Variants in EFCAB6 observed in about 807,000 individuals in gnomAD.
EFCAB6 encodes the protein EF-hand calcium-binding domain-containing protein 6.
A neutral mutation model predicts 169.8 loss-of-function variants in EFCAB6; 156 were observed. The ratio of observed to expected loss-of-function variants is 0.92; its 90% CI spans 0.81 to 1.05. EFCAB6 has a LOEUF of 1.05. Ranked by LOEUF, EFCAB6 falls within the 50% of genes least tolerant of loss-of-function variation. EFCAB6 has a pLI of 0.00. For missense variants in EFCAB6, 1,800 were observed against 1,829.1 expected, an observed-to-expected ratio of 0.98 and a Z score of 0.29; for synonymous variants, 698 against 676.4, an observed-to-expected ratio of 1.03 and a Z score of -0.50.
At chr22:43,616,802 C>T (rs1005197344) in intron 20 of EFCAB6, among the ~76,000 whole-genome samples, 2 of 152,184 alleles carry the variant, frequency 1.3e-5, no homozygotes, top group Admixed American at 1.3e-4. Context: ...GCTGGGATGC[C>T]CTAGATCTTT....
intron 17 of EFCAB6, among the ~76,000 whole-genome samples, chr22:43,644,455 C>G (rs549104523): frequency 1.2e-4 from 18 of 152,298 alleles, no homozygotes; most frequent in African/African-American, 4.3e-4. Context: ...TTAAATCACT[C>G]CCACAAATCC....
chr22:43,604,081 G>A (rs1336170523), intron 22 of EFCAB6, among the ~76,000 whole-genome samples: 2 of 151,996 alleles, frequency 1.3e-5, no homozygotes, highest in African/African-American at 4.8e-5. Flanking sequence ...CTTCCACCAT[G>A]ATTGTAAGTT....
intron 27 of EFCAB6, chr22:43,540,663 C>G (rs2047662028): frequency 1.1e-6 from 1 of 911,248 alleles, no homozygotes; most frequent in South Asian, 1.7e-5. Context: ...AGTGCCTGAG[C>G]TGCAGTGTAT....
intron 9 of EFCAB6, among the ~76,000 whole-genome samples, chr22:43,715,367 C>T (rs140825823): frequency 1.1e-4 from 17 of 152,258 alleles, no homozygotes; most frequent in East Asian, 5.8e-4. Flanking sequence ...CTCAGCTGGA[C>T]GATCACAGTG....
At chr22:43,540,461 G>A in intron 27 of EFCAB6, 104 bp from the exon 28 acceptor site, 1 of 1,582,154 alleles carries the variant, frequency 6.3e-7, no homozygotes, top group Non-Finnish European at 8.6e-7. Flanking sequence ...CAGGAGGTGA[G>A]CACTCACGTG....
At chr22:43,586,844 T>C (rs2051108625) in intron 24 of EFCAB6, among the ~76,000 whole-genome samples, 1 of 152,126 alleles carries the variant, frequency 6.6e-6, no homozygotes, top group African/African-American at 2.4e-5. Context: ...CCAACAATCT[T>C]GAGTTTTAAT....
At chr22:43,775,740 G>A (rs927530628) in intron 3 of EFCAB6, among the ~76,000 whole-genome samples, 1 of 152,290 alleles carries the variant, frequency 6.6e-6, no homozygotes, top group African/African-American at 2.4e-5. Flanking sequence ...CACCGCACCC[G>A]GCCATGCCTG....
At chr22:43,565,408 T>A (rs1234066548) in intron 26 of EFCAB6, among the ~76,000 whole-genome samples, 1 of 152,218 alleles carries the variant, frequency 6.6e-6, no homozygotes, top group Admixed American at 6.5e-5. Flanking sequence ...TCTGGGTTTC[T>A]ATTGAGTAAG....
intron 22 of EFCAB6, among the ~76,000 whole-genome samples, chr22:43,606,147 G>T (rs902924480): frequency 2.6e-5 from 4 of 152,160 alleles, no homozygotes; most frequent in African/African-American, 9.7e-5. Context: ...TCTCTCTCTA[G>T]CAAACCAGAT....
intron 2 of EFCAB6, among the ~76,000 whole-genome samples, chr22:43,800,350 T>C (rs925265005): frequency 7.2e-5 from 11 of 152,066 alleles, no homozygotes; most frequent in Non-Finnish European, 2.9e-5. Context: ...TAAGAAAATA[T>C]ACCCAAAGAA....
Position 43,635,135 on chromosome 22 carries a change from T to A in EFCAB6, c.2065A>T (p.Met689Leu). 1 of 1,614,114 alleles carries A rather than the reference T, an allele frequency of 6.2e-7. No homozygotes were observed. The change falls in exon 18 of 32, where the codon ATG (methionine) becomes TTG (leucine). Residue 689 changes from methionine to leucine, a missense_variant. Physicochemically the swap from Met to Leu is conservative, Grantham distance 15. Transcript: ENST00000262726. ...CCTGCTGCAAAATCAAGATAGCTCATCCCTTCCTTCTCGAAGCCTATTTTA... is the reference window on the plus strand; with the variant it reads ...CCTGCTGCAAAATCAAGATAGCTCAACCCTTCCTTCTCGAAGCCTATTTTA... ...TTKIGFEKEG[M>L]SYLDFAAGFE...
At chr22:43,627,114 G>T (rs1398632743) in intron 19 of EFCAB6, among the ~76,000 whole-genome samples, 1 of 152,164 alleles carries the variant, frequency 6.6e-6, no homozygotes, top group African/African-American at 2.4e-5. Flanking sequence ...CTCACACCAA[G>T]GAGCCACCTG....
At position 43,744,308 on chromosome 22, in the gene EFCAB6, C is replaced by G. The variant is rs1299072496; in HGVS notation, c.508-8315G>C. ...TGGGGAGATTGCAAGCCAAGACAAT[C>G]CTTGTAGAGACAGGACAGGAACCTG... On this transcript the variant is annotated intron_variant, in intron 6 of 31. Coordinates refer to ENST00000262726, the MANE Select transcript of EFCAB6 (RefSeq NM_022785.4). The surrounding 1 kb of genome is among the most constrained non-coding windows in gnomAD (Gnocchi z 4.3). 6.6e-6 allele frequency among the ~76,000 whole-genome samples: 1 copy of G among 152,038 alleles called. No homozygotes were observed. The highest frequency in any genetic ancestry group is 2.4e-5 in the African/African-American group (1 of 41,402).
chr22:43,585,525 G>T (rs1412912232), intron 24 of EFCAB6, among the ~76,000 whole-genome samples: 1 of 152,090 alleles, frequency 6.6e-6, no homozygotes, highest in African/African-American at 2.4e-5. Flanking sequence ...ACCAGAAAGA[G>T]AAAGAGAAAT....
intron 8 of EFCAB6, among the ~76,000 whole-genome samples, chr22:43,717,275 T>C (rs1032272045): frequency 6.6e-6 from 1 of 151,848 alleles, no homozygotes; most frequent in African/African-American, 2.4e-5. Context: ...TACTACATAA[T>C]CTTTGTGTGA....
intron 6 of EFCAB6, among the ~76,000 whole-genome samples, chr22:43,742,820 G>A (rs918390136): frequency 6.6e-6 from 1 of 152,226 alleles, no homozygotes; most frequent in African/African-American, 2.4e-5. Flanking sequence ...GCAGAGCCTG[G>A]GAGCAGGATA....
intron 2 of EFCAB6, chr22:43,802,668 G>A (rs2062768078): frequency 4.0e-6 from 2 of 502,552 alleles, no homozygotes; most frequent in Admixed American, 2.1e-5. Context: ...GTACACAAAG[G>A]GAAAAAGGGA....
At chr22:43,698,873 T>C (rs967474675) in intron 10 of EFCAB6, among the ~76,000 whole-genome samples, 7 of 152,224 alleles carry the variant, frequency 4.6e-5, no homozygotes, top group Admixed American at 3.9e-4. Flanking sequence ...TACAATTATG[T>C]GAGTTTTAGC....
intron 22 of EFCAB6, among the ~76,000 whole-genome samples, chr22:43,606,171 T>C (rs1382791059): frequency 6.6e-6 from 1 of 152,198 alleles, no homozygotes; most frequent in Non-Finnish European, 1.5e-5. Context: ...CCATCACTCT[T>C]CCACTTCCTC....
Sources: allele counts gnomAD v4.1 joint callset (sites outside exome capture counted in the v4.1 genomes callset), GRCh38; gene constraint gnomAD v4.1.1; non-coding constraint Gnocchi (gnomAD v3.1); transcripts MANE v1.5; gene names NCBI Gene and HGNC (gene_info 2026-07-23, HGNC 2026-07-21).